CDH23: variants seen among roughly 807,000 people sequenced by gnomAD.
CDH23 encodes cadherin related 23, also known as cadherin-23.
In CDH23, 189 loss-of-function variants were observed where a neutral mutation model predicts 317.1. The ratio of observed to expected loss-of-function variants is 0.60; its 90% confidence interval spans 0.53 to 0.67. The LOEUF (loss-of-function observed/expected upper bound fraction) is 0.67, where lower values mean the gene tolerates loss of function less well. Ranked by LOEUF, CDH23 falls within the 30% of genes least tolerant of loss-of-function variation. The probability of loss-of-function intolerance (pLI) is 0.00; values close to 1 mark genes in which losing one functional copy is unlikely to be tolerated. For missense variants in CDH23, 4,401 were observed against 4,592.4 expected, an observed-to-expected ratio of 0.96 and a Z score of 1.20; for synonymous variants, 1,839 against 1,876.8, an observed-to-expected ratio of 0.98 and a Z score of 0.52.
At chr10:71,425,751 C>T (rs972853012) in intron 1 of CDH23, among the ~76,000 whole-genome samples, 2 of 152,234 alleles carry the variant, frequency 1.3e-5, no homozygotes, top group African/African-American at 4.8e-5. Context: ...CAAGTTGATC[C>T]TCTGAGAGCT....
At chr10:71,658,240 G>T (rs1467570483) in intron 14 of CDH23, among the ~76,000 whole-genome samples, 1 of 152,156 alleles carries the variant, frequency 6.6e-6, no homozygotes, top group Admixed American at 6.5e-5. Context: ...GGTAGGACCG[G>T]GGTAGAGAGA....
intron 14 of CDH23, 105 bp downstream of exon 14, chr10:71,646,722 G>A (rs746689161): frequency 1.2e-6 from 2 of 1,611,546 alleles, no homozygotes; most frequent in South Asian, 2.2e-5. Flanking sequence ...AGGGAAGGAG[G>A]CACCCCCAAA....
chr10:71,485,880 C>T (rs936786160), intron 3 of CDH23, among the ~76,000 whole-genome samples: 8 of 152,228 alleles, frequency 5.3e-5, no homozygotes, highest in Admixed American at 3.3e-4. Context: ...CTGAGATGCT[C>T]ATGCCCAGCT....
At chr10:71,690,363 G>A (rs1188611835) in intron 19 of CDH23, 105 bp from the exon 20 acceptor site, 13 of 745,034 alleles carry the variant, frequency 1.7e-5, no homozygotes, top group Admixed American at 1.1e-4. Context: ...AGGGTCCCAC[G>A]TCCTCCTCTT....
At chr10:71,577,694 C>T (rs1256667502) in intron 8 of CDH23, among the ~76,000 whole-genome samples, 2 of 152,308 alleles carry the variant, frequency 1.3e-5, no homozygotes, top group Admixed American at 6.5e-5. Flanking sequence ...GGAATGATAA[C>T]ATCGGTAAGG....
At chr10:71,577,274 C>A (rs892851255) in intron 8 of CDH23, among the ~76,000 whole-genome samples, 4 of 152,110 alleles carry the variant, frequency 2.6e-5, no homozygotes, top group Non-Finnish European at 5.9e-5. Flanking sequence ...TCCATCAGTG[C>A]TGCAGAGAGA....
At chr10:71,463,634 C>T (rs1005279904) in intron 3 of CDH23, among the ~76,000 whole-genome samples, 38 of 152,156 alleles carry the variant, frequency 2.5e-4, no homozygotes, top group African/African-American at 8.9e-4. Flanking sequence ...CCAGGGTGTT[C>T]TTGTCTGTAA....
At chr10:71,579,263 G>A (rs975779195) in intron 9 of CDH23, among the ~76,000 whole-genome samples, 3 of 152,084 alleles carry the variant, frequency 2.0e-5, no homozygotes, top group Admixed American at 1.3e-4. Flanking sequence ...CCTGGGACCC[G>A]CAGCTGCTGA....
At chr10:71,434,732 T>C (rs1341938072) in intron 1 of CDH23, among the ~76,000 whole-genome samples, 3 of 152,030 alleles carry the variant, frequency 2.0e-5, no homozygotes, top group Non-Finnish European at 2.9e-5. Context: ...GGGACAAAGG[T>C]GTCAACCTTG....
chr10:71,480,827 T>C (rs1740561299), intron 3 of CDH23, among the ~76,000 whole-genome samples: 1 of 150,080 alleles, frequency 6.7e-6, no homozygotes, highest in Non-Finnish European at 1.5e-5. Flanking sequence ...GGGTTATATT[T>C]GGGGGTGGAC....
intron 28 of CDH23, among the ~76,000 whole-genome samples, chr10:71,721,348 A>G (rs1260469437): frequency 6.6e-6 from 1 of 152,178 alleles, no homozygotes; most frequent in Non-Finnish European, 1.5e-5. Context: ...ATAAATCCAG[A>G]GGGCTCTCTG....
At chr10:71,530,351 C>A (rs1316655226) in intron 6 of CDH23, among the ~76,000 whole-genome samples, 1 of 152,194 alleles carries the variant, frequency 6.6e-6, no homozygotes, top group East Asian at 1.9e-4. Context: ...TCTCACCCTG[C>A]CGGTGCCCAC....
At chr10:71,559,770 T>C (rs1857036541) in intron 6 of CDH23, among the ~76,000 whole-genome samples, 2 of 152,250 alleles carry the variant, frequency 1.3e-5, no homozygotes, top group Admixed American at 1.3e-4. Flanking sequence ...TCTCAGAGCA[T>C]ACCTGGCACA....
intron 6 of CDH23, among the ~76,000 whole-genome samples, chr10:71,553,227 C>T (rs1856696317): frequency 6.6e-6 from 1 of 152,162 alleles, no homozygotes; most frequent in African/African-American, 2.4e-5. Context: ...GAAGCTTAAG[C>T]CATTCCTCCA....
intron 1 of CDH23, among the ~76,000 whole-genome samples, chr10:71,419,848 C>T (rs1271814377): frequency 6.6e-6 from 1 of 152,126 alleles, no homozygotes; most frequent in Admixed American, 6.5e-5. Context: ...GGCAGGAGAA[C>T]AGCTGTTTAG....
At chr10:71,496,495 A>G (rs1296320166) in intron 3 of CDH23, among the ~76,000 whole-genome samples, 1 of 152,196 alleles carries the variant, frequency 6.6e-6, no homozygotes, top group Non-Finnish European at 1.5e-5. Context: ...TTGCCTGCCC[A>G]GTACATCACC....
chr10:71,399,556 A>G (rs1195389258), intron 1 of CDH23, among the ~76,000 whole-genome samples: 1 of 152,174 alleles, frequency 6.6e-6, no homozygotes, highest in Non-Finnish European at 1.5e-5. Flanking sequence ...TTTGTGTTTT[A>G]GGGTTTTTTA....
At chr10:71,789,615 C>T (rs770723173) in intron 45 of CDH23, among the ~76,000 whole-genome samples, 1 of 152,214 alleles carries the variant, frequency 6.6e-6, no homozygotes, top group Non-Finnish European at 1.5e-5. Flanking sequence ...GGGCATCCCC[C>T]CTAGGTGAAT....
chr10:71,692,749 G>A (rs535890420), intron 20 of CDH23, among the ~76,000 whole-genome samples: 4 of 152,262 alleles, frequency 2.6e-5, no homozygotes, highest in Admixed American at 2.0e-4. Context: ...CAGCTGCCTT[G>A]TTTTATGGTG....
Sources: gnomAD v4.1 joint callset for allele counts (sites outside exome capture counted in the v4.1 genomes callset) on GRCh38, gnomAD v4.1.1 for gene constraint, MANE v1.5 for transcripts, NCBI Gene and HGNC (gene_info 2026-07-23, HGNC 2026-07-21) for gene names.